HNRNPA3: variants seen among roughly 807,000 people sequenced by gnomAD.
HNRNPA3 encodes the protein heterogeneous nuclear ribonucleoprotein A3, also known as epididymis secretory sperm binding protein.
A neutral mutation model predicts 45.8 loss-of-function variants in HNRNPA3; 3 were observed. That is an observed-to-expected ratio of 0.07 (90% CI 0.03 to 0.17). The LOEUF (loss-of-function observed/expected upper bound fraction) is 0.17. HNRNPA3 is among the 10% of genes least tolerant of loss of function. The pLI, the probability that HNRNPA3 is intolerant of heterozygous loss-of-function variation, is 1.00. For missense variants in HNRNPA3, 183 were observed against 480.3 expected, an observed-to-expected ratio of 0.38 and a Z score of 5.79; for synonymous variants, 170 against 155.6, an observed-to-expected ratio of 1.09 and a Z score of -0.69.
chr2:177,217,907 C>T, intron 8 of HNRNPA3, 62 bp downstream of exon 8: 1 of 1,395,924 alleles, frequency 7.2e-7, no homozygotes, highest in Non-Finnish European at 9.6e-7. Context: ...GTTCCCATGA[C>T]ACATATTTGG....
chr2:177,213,214 G>A (rs1688762474), intron 1 of HNRNPA3, among the ~76,000 whole-genome samples: 1 of 152,208 alleles, frequency 6.6e-6, no homozygotes, highest in South Asian at 2.1e-4. Flanking sequence ...GGGGAGGGGA[G>A]GGGACGAGCA....
chr2:177,213,098 C>A (rs1039752841), intron 1 of HNRNPA3, among the ~76,000 whole-genome samples: 1 of 151,444 alleles, frequency 6.6e-6, no homozygotes, highest in East Asian at 2.0e-4. Flanking sequence ...GCGGCTTGGT[C>A]GGGGAGGCCT....
intron 7 of HNRNPA3, among the ~76,000 whole-genome samples, chr2:177,217,472 AAAAAT>A (rs1394989655): frequency 5.9e-5 from 9 of 152,170 alleles, no homozygotes; most frequent in African/African-American, 9.7e-5. Flanking sequence ...GTATATCTAG[AAAAAT>A]AAAATAGGGG....
At chr2:177,215,370 C>T (rs780804233) in intron 1 of HNRNPA3, among the ~76,000 whole-genome samples, 169 bp from the exon 2 acceptor site, 2 of 152,180 alleles carry the variant, frequency 1.3e-5, no homozygotes, top group African/African-American at 4.8e-5. Flanking sequence ...GTTGGGATTA[C>T]AGGCATGAGA....
At chr2:177,218,096 CTG>C (rs1168865247) in intron 8 of HNRNPA3, among the ~76,000 whole-genome samples, 1 of 121,502 alleles carries the variant, frequency 8.2e-6, no homozygotes, top group Non-Finnish European at 1.6e-5. Context: ...GAGTCTTGCT[CTG>C]TTGCCCAGGC....
At chr2:177,217,185 G>C (rs1217457479) in intron 7 of HNRNPA3, among the ~76,000 whole-genome samples, 1 of 151,314 alleles carries the variant, frequency 6.6e-6, no homozygotes, top group Non-Finnish European at 1.5e-5. Flanking sequence ...ATTTTTCTTA[G>C]TGAAATTTTG....
intron 1 of HNRNPA3, among the ~76,000 whole-genome samples, chr2:177,213,953 T>C (rs1688806290): frequency 6.6e-6 from 1 of 152,262 alleles, no homozygotes; most frequent in Admixed American, 6.5e-5. Context: ...TGAGATTACA[T>C]GAATTAATGC....
At chr2:177,220,204 G>T (rs1175213185), downstream of HNRNPA3, 1 of 152,574 alleles carries the variant, frequency 6.6e-6, no homozygotes, top group Non-Finnish European at 1.5e-5. Flanking sequence ...CTGAGTCCTA[G>T]CTGTGTTTAG....
intron 1 of HNRNPA3, 107 bp from the exon 2 acceptor site, chr2:177,215,432 A>G (rs1688891312): frequency 8.6e-7 from 1 of 1,157,942 alleles, no homozygotes; most frequent in Non-Finnish European, 1.3e-6. Context: ...GTTAACTGTC[A>G]CAGGAATTTG....
chr2:177,218,941 G>T, intron 8 of HNRNPA3, 96 bp from the exon 9 acceptor site: 2 of 1,458,812 alleles, frequency 1.4e-6, no homozygotes, highest in Non-Finnish European at 1.9e-6. Flanking sequence ...GTATAAGCAT[G>T]CTACCATAAT....
At chr2:177,219,471 C>G in exon 11 of HNRNPA3, 2 of 548,562 alleles carry the variant, frequency 3.6e-6, no homozygotes, top group Non-Finnish European at 6.3e-6. Flanking sequence ...TACTTTGAGA[C>G]AGTCGTCCCA....
chr2:177,217,087 C>A, intron 7 of HNRNPA3, 147 bp downstream of exon 7: 2 of 835,066 alleles, frequency 2.4e-6, no homozygotes, highest in Non-Finnish European at 3.5e-6. Flanking sequence ...AGAACAGGAA[C>A]CCTTTTTCCC....
chr2:177,216,553 C>T (rs762320144), exon 5 of HNRNPA3: 1 of 1,613,960 alleles, frequency 6.2e-7, no homozygotes, highest in Admixed American at 1.7e-5. Flanking sequence ...GAAAAAGGCC[C>T]TTTCTAAACA....
chr2:177,221,699 CAG>C (rs1689193058), downstream of HNRNPA3: 1 of 152,386 alleles, frequency 6.6e-6, no homozygotes, highest in Non-Finnish European at 1.5e-5. Flanking sequence ...CTCACTAAGA[CAG>C]GACTTCAGCA....
chr2:177,213,052 C>T (rs938900526), intron 1 of HNRNPA3, among the ~76,000 whole-genome samples, 181 bp downstream of exon 1: 5 of 152,128 alleles, frequency 3.3e-5, no homozygotes, highest in East Asian at 1.9e-4. Context: ...CCCGCCTCGC[C>T]TTCACCTTCG....
At chr2:177,218,925 T>C in intron 8 of HNRNPA3, 112 bp from the exon 9 acceptor site, 1 of 1,279,918 alleles carries the variant, frequency 7.8e-7, no homozygotes, top group Non-Finnish European at 1.1e-6. Context: ...GCTACCACAG[T>C]GATGTGTATA....
chr2:177,221,121 AT>A (rs1689172255), downstream of HNRNPA3: 1 of 152,668 alleles, frequency 6.6e-6, no homozygotes, highest in African/African-American at 2.4e-5. Flanking sequence ...TTCCAGAAAC[AT>A]TCACAAACCA....
chr2:177,214,959 A>G (rs904303663), intron 1 of HNRNPA3, among the ~76,000 whole-genome samples: 1 of 152,238 alleles, frequency 6.6e-6, no homozygotes, highest in Admixed American at 6.5e-5. Flanking sequence ...GCTTTTAAAA[A>G]ATGAAGCGAT....
chr2:177,219,974 A>C (rs912827183), exon 11 of HNRNPA3: 2 of 152,650 alleles, frequency 1.3e-5, no homozygotes, highest in Non-Finnish European at 2.9e-5. Context: ...CCCCATTTCC[A>C]AACCATGATA....
Sources: allele counts gnomAD v4.1 joint callset (sites outside exome capture counted in the v4.1 genomes callset), GRCh38; gene constraint gnomAD v4.1.1; transcripts MANE v1.5; gene names NCBI Gene and HGNC (gene_info 2026-07-23, HGNC 2026-07-21).